The following ZIC1 variants were observed in gnomAD, a reference collection of about 807,000 sequenced individuals.
The protein encoded by ZIC1 is zinc finger protein ZIC 1.
ZIC1 carries 4 observed loss-of-function variants against 30.9 expected under a neutral mutation model. That is an observed-to-expected ratio of 0.13 (90% CI 0.06 to 0.30). The LOEUF is 0.30. ZIC1 is among the 10% of genes least tolerant of loss of function. ZIC1 has a pLI of 1.00. For missense variants in ZIC1, 441 were observed against 639.3 expected, an observed-to-expected ratio of 0.69 and a Z score of 3.34; for synonymous variants, 305 against 277.5, an observed-to-expected ratio of 1.10 and a Z score of -0.98.
Position 147,410,073 on chromosome 3 carries a change from G to A in ZIC1, c.-40G>A. On this transcript the variant is annotated 5_prime_UTR_variant, in exon 1 of 3. Coordinates refer to ENST00000282928, the MANE Select transcript of ZIC1 (RefSeq NM_003412.4). ...TTCCCTCCTCGGCTGGCGAGGGTGG[G>A]GGGGGCGGGGGAGGCCGGGGCTCGC... is the stretch of plus-strand genomic sequence containing the variant. The A allele has an allele frequency of 7.0e-7, 1 of 1,431,882 alleles. No individual in the cohort carries two copies. The highest frequency in any genetic ancestry group is 9.1e-7 in the Non-Finnish European group (1 of 1,100,768). 88.7% of individuals were successfully genotyped at this position (1,431,882 alleles called of 1,614,324 possible). A position where few individuals can be genotyped will look rare whatever the true frequency, so the allele number is the denominator to read the frequency against.
rs1488001000 is a variant in ZIC1, at chr3:147,414,569, G to A, written c.*1018G>A. ...TAAAGATTCTTAAATCTCCGTGATTGTGGTAGGAATTTCTTCTTCACCCAC... is the reference window on the plus strand; with the variant it reads ...TAAAGATTCTTAAATCTCCGTGATTATGGTAGGAATTTCTTCTTCACCCAC... On this transcript the variant is annotated 3_prime_UTR_variant, in exon 3 of 3. Coordinates refer to ENST00000282928, the MANE Select transcript of ZIC1 (RefSeq NM_003412.4). 1.3e-5 allele frequency: 2 copies of A among 152,532 alleles called. No individual in the cohort carries two copies. The highest frequency in any genetic ancestry group is 2.1e-4 in the South Asian group (1 of 4,824). The allele number at this position is 152,532 out of a possible 1,614,324, so 9.4% of individuals were successfully genotyped here. A position where few individuals can be genotyped will look rare whatever the true frequency, so the allele number is the denominator to read the frequency against.
rs568700380 is a variant in ZIC1, at chr3:147,410,044, G to A, written c.-69G>A. ...TCCTCTTGTTCCTCCTCCTCCTCCC[G>A]ATTTTCCCTCCTCGGCTGGCGAGGG... On this transcript the variant is annotated 5_prime_UTR_variant, in exon 1 of 3. Transcript: ENST00000282928. 116 of 1,382,392 alleles carry A rather than the reference G, an allele frequency of 8.4e-5. No individual in the cohort carries two copies. The African/African-American group carries it at 1.8e-3, about 21-fold the overall frequency. 85.6% of individuals were successfully genotyped at this position (1,382,392 alleles called of 1,614,324 possible).
chr3:147,410,961 C>G lies in ZIC1; in HGVS notation c.849C>G (p.Phe283Leu). 1 of 1,614,272 alleles carries G rather than the reference C, an allele frequency of 6.2e-7. No individual in the cohort carries two copies. The highest frequency in any genetic ancestry group is 8.5e-7 in the Non-Finnish European group (1 of 1,180,048). ...AGTGTCCGCGCGAGGGCAAGCCCTTCAAAGCCAAATACAAACTGGTTAACC... is the reference window on the plus strand; with the variant it reads ...AGTGTCCGCGCGAGGGCAAGCCCTTGAAAGCCAAATACAAACTGGTTAACC... ...WEECPREGKP[F>L]KAKYKLVNHI... is the part of the protein sequence containing the mutation. The change falls in exon 1 of 3, where the codon TTC becomes TTG. Residue 283 changes from phenylalanine to leucine, a missense_variant. This residue lies in a region of ZIC1 where 33 missense variants were observed against 66.5 expected (regional missense o/e 0.50). Coordinates refer to ENST00000282928, the MANE Select transcript of ZIC1 (RefSeq NM_003412.4).
At position 147,413,638 on chromosome 3, in the gene ZIC1, C is replaced by G; in HGVS notation, c.*87C>G. 6.8e-7 allele frequency: 1 copy of G among 1,473,922 alleles called. No homozygotes were observed. The highest frequency in any genetic ancestry group is 9.2e-7 in the Non-Finnish European group (1 of 1,087,856). The allele number at this position is 1,473,922 out of a possible 1,614,324, so 91.3% of individuals were successfully genotyped here. On this transcript the variant is annotated 3_prime_UTR_variant, in exon 3 of 3. Transcript: ENST00000282928. ...ACATTACTGAAAGAACCCTGCGAATCAAAACAACCCCCACACAGACCCCGC... is the reference window on the plus strand; with the variant it reads ...ACATTACTGAAAGAACCCTGCGAATGAAAACAACCCCCACACAGACCCCGC...
At chr3:147,413,285 C>G (rs1170688308) in intron 2 of ZIC1, 69 bp from the exon 3 acceptor site, 3 of 1,541,980 alleles carry the variant, frequency 1.9e-6, no homozygotes, top group Non-Finnish European at 8.8e-7. Context: ...GCACTCGCGG[C>G]CTTCGCCTCT....
In ZIC1 at chr3:147,410,375, C is replaced by A. The variant is rs1179233688; in HGVS notation, c.263C>A (p.Ser88Tyr). The A allele has an allele frequency of 6.2e-7, 1 of 1,601,886 alleles. No individual in the cohort carries two copies. Among genetic ancestry groups the A allele is most frequent in the Non-Finnish European group, 8.5e-7 (1 of 1,179,632 alleles). The change falls in exon 1 of 3, where the codon TCC (serine) becomes TAC (tyrosine). Residue 88 changes from serine (S) to tyrosine (Y), a missense_variant. Physicochemically the swap from Ser to Tyr is moderately radical, Grantham distance 144. This residue lies in a region of ZIC1 where 307 missense variants were observed against 355.3 expected (regional missense o/e 0.86). Transcript: ENST00000282928. ...GHHHHPGHVG[S>Y]YSSAAFNSTR... ...CACCATCACCCGGGCCACGTCGGCT[C>A]CTATTCCAGCGCAGCCTTCAACTCC... is the stretch of plus-strand genomic sequence containing the variant.
Position 147,409,374 on chromosome 3 carries a change from A to G in ZIC1, c.-739A>G, listed in dbSNP as rs1273279578. 6.6e-6 allele frequency: 1 copy of G among 152,638 alleles called. No individual in the cohort carries two copies. The highest frequency in any genetic ancestry group is 1.9e-4 in the East Asian group (1 of 5,182). The allele number at this position is 152,638 out of a possible 1,614,324, so 9.5% of individuals were successfully genotyped here. A position where few individuals can be genotyped will look rare whatever the true frequency, so the allele number is the denominator to read the frequency against. On this transcript the variant is annotated 5_prime_UTR_variant, in exon 1 of 3. Transcript: ENST00000282928. ...ACGGTGTCGTCCTTTCAATTCATTT[A>G]TCTGCAGGAATGATTGCTGCTATCA...
rs565606565 is a variant in ZIC1 at position 147,414,515 on chromosome 3, G to T, written c.*964G>T. On this transcript the variant is annotated 3_prime_UTR_variant, in exon 3 of 3. Coordinates refer to ENST00000282928, the MANE Select transcript of ZIC1 (RefSeq NM_003412.4). ...ACTCGTATGTACACTTTAGTTTCCA[G>T]AACTGTTTGGTAACCTTTCGTACCT... The T allele has an allele frequency of 6.6e-6, 1 of 152,574 alleles. No homozygotes were observed. The highest frequency in any genetic ancestry group is 1.5e-5 in the Non-Finnish European group (1 of 68,040). 9.5% of individuals were successfully genotyped at this position (152,574 alleles called of 1,614,324 possible). A position where few individuals can be genotyped will look rare whatever the true frequency, so the allele number is the denominator to read the frequency against.
At chr3:147,412,104 G>T (rs2087386066) in intron 1 of ZIC1, among the ~76,000 whole-genome samples, 2 of 151,976 alleles carry the variant, frequency 1.3e-5, no homozygotes, top group African/African-American at 4.8e-5. Context: ...GGGATGCGGA[G>T]CGTCGGGGAG....
At chr3:147,411,303 A>T (rs2107993472) in intron 1 of ZIC1, among the ~76,000 whole-genome samples, 1 of 152,248 alleles carries the variant, frequency 6.6e-6, no homozygotes, top group South Asian at 2.1e-4. Context: ...GACGAGGAGG[A>T]GCTGGGTATA....
chr3:147,413,458 G>C lies in ZIC1; in HGVS notation c.1251G>C (p.Pro417=), dbSNP rs758948864. The change falls in exon 3 of 3, where the codon CCG becomes CCC. Residue 417 remains proline, a synonymous_variant. Transcript: ENST00000282928. The part of the protein sequence containing the change: ...PTIVSPSTDN[P]TTSSLSPSSS... ...TCGTGTCTCCCTCCACAGACAACCCGACCACAAGCTCCTTATCGCCCTCCT... is the reference window on the plus strand; with the variant it reads ...TCGTGTCTCCCTCCACAGACAACCCCACCACAAGCTCCTTATCGCCCTCCT... 1.9e-5 allele frequency: 30 copies of C among 1,613,896 alleles called. No individual in the cohort carries two copies. Among genetic ancestry groups the C allele is most frequent in the Non-Finnish European group, 2.5e-5 (30 of 1,180,026 alleles).
chr3:147,412,298 A>C (rs1291799664), intron 1 of ZIC1, among the ~76,000 whole-genome samples: 1 of 152,260 alleles, frequency 6.6e-6, no homozygotes, highest in South Asian at 2.1e-4. Context: ...TAAAAATAAA[A>C]TGTAGATCCA....
Position 147,413,522 on chromosome 3 carries a change from T to C in ZIC1, c.1315T>C (p.Ser439Pro). The change falls in exon 3 of 3, where the codon TCT becomes CCT. Residue 439 changes from serine (S) to proline (P), a missense_variant. By Grantham distance (74) the Ser-to-Pro change is moderately conservative. This residue lies in a region of ZIC1 where 56 missense variants were observed against 52.5 expected (regional missense o/e 1.07). Transcript: ENST00000282928. The part of the protein sequence containing the change: ...VHHTAGHSAL[S>P]SNFNEWYV ...CCACACAGCCGGCCACAGTGCGCTC[T>C]CTTCCAATTTTAACGAATGGTACGT... The C allele has an allele frequency of 6.2e-7, 1 of 1,614,134 alleles. No homozygotes were observed.
intron 1 of ZIC1, among the ~76,000 whole-genome samples, chr3:147,411,891 G>A (rs1339963351): frequency 6.6e-6 from 1 of 152,042 alleles, no homozygotes; most frequent in East Asian, 1.9e-4. Context: ...AACATTCTGG[G>A]CCCCCTGCCC....
chr3:147,410,828 A>G lies in ZIC1; in HGVS notation c.716A>G (p.Lys239Arg). ...WIEPEQLANP[K>R]KSCNKTFSTM... ...GAGCCCGAGCAGCTGGCCAACCCCA[A>G]AAAGTCGTGCAACAAAACTTTCAGC... Residue 239 changes from lysine to arginine, a missense_variant, in exon 1 of 3, where the codon AAA becomes AGA. Physicochemically the swap from Lys to Arg is conservative, Grantham distance 26. This residue lies in a region of ZIC1 where 307 missense variants were observed against 355.3 expected (regional missense o/e 0.86). Transcript: ENST00000282928. 6.2e-7 allele frequency: 1 copy of G among 1,614,228 alleles called. No homozygotes were observed. Among genetic ancestry groups the G allele is most frequent in the Non-Finnish European group, 8.5e-7 (1 of 1,180,040 alleles).
Position 147,410,095 on chromosome 3 carries a change from T to C in ZIC1, c.-18T>C. 6.8e-7 allele frequency: 1 copy of C among 1,474,220 alleles called. No individual in the cohort carries two copies. The allele number at this position is 1,474,220 out of a possible 1,614,324, so 91.3% of individuals were successfully genotyped here. Reference sequence around the variant, plus strand: ...TGGGGGGGGCGGGGGAGGCCGGGGCTCGCCCCGAGCAGCCACGATGCTCCT... The same window carrying C: ...TGGGGGGGGCGGGGGAGGCCGGGGCCCGCCCCGAGCAGCCACGATGCTCCT... On this transcript the variant is annotated 5_prime_UTR_variant, in exon 1 of 3. Transcript: ENST00000282928.
rs1310009698 is a variant in ZIC1, at chr3:147,409,987, C to A, written c.-126C>A. On this transcript the variant is annotated 5_prime_UTR_variant, in exon 1 of 3. Coordinates refer to ENST00000282928, the MANE Select transcript of ZIC1 (RefSeq NM_003412.4). Reference sequence around the variant, plus strand: ...ACTTCGCGAGGTGGGTCGACTCCCCCTCCCTCCTCCTCTTCTTCCTCCTCT... The same window carrying A: ...ACTTCGCGAGGTGGGTCGACTCCCCATCCCTCCTCCTCTTCTTCCTCCTCT... 4 of 1,078,050 alleles carry A rather than the reference C, an allele frequency of 3.7e-6. No individual in the cohort carries two copies. In the African/African-American group the frequency reaches 5.1e-5, roughly 14 times the overall value. 66.8% of individuals were successfully genotyped at this position (1,078,050 alleles called of 1,614,324 possible).
chr3:147,410,739 C>T lies in ZIC1; in HGVS notation c.627C>T (p.Gly209=), dbSNP rs370404401. ...PMNVNMAAHH[G]AGAFFRYMRQ... is the part of the protein sequence containing the mutation. Reference sequence around the variant, plus strand: ...ACGTGAACATGGCCGCGCATCACGGCGCCGGCGCCTTCTTCCGCTACATGC... The same window carrying T: ...ACGTGAACATGGCCGCGCATCACGGTGCCGGCGCCTTCTTCCGCTACATGC... The change falls in exon 1 of 3, where the codon GGC becomes GGT. Residue 209 remains glycine, a synonymous_variant. Transcript: ENST00000282928. The T allele has an allele frequency of 3.9e-5, 63 of 1,614,000 alleles. No individual in the cohort carries two copies. The highest frequency in any genetic ancestry group is 5.2e-5 in the Non-Finnish European group (61 of 1,179,994).
In ZIC1 at chr3:147,416,470, G is replaced by A. The variant is rs1398085280; in HGVS notation, c.*2919G>A. The A allele has an allele frequency of 6.6e-6, 1 of 152,166 alleles. No individual in the cohort carries two copies. Among genetic ancestry groups the A allele is most frequent in the Non-Finnish European group, 1.5e-5 (1 of 68,028 alleles). 9.4% of individuals were successfully genotyped at this position (152,166 alleles called of 1,614,324 possible). ...GTCTAATTTTTGTTGTGTACCTGATGCCCCTTTTGCTTTAATACCACAGTG... is the reference window on the plus strand; with the variant it reads ...GTCTAATTTTTGTTGTGTACCTGATACCCCTTTTGCTTTAATACCACAGTG... On this transcript the variant is annotated 3_prime_UTR_variant, in exon 3 of 3. Transcript: ENST00000282928.
Sources: allele counts gnomAD v4.1 joint callset (sites outside exome capture counted in the v4.1 genomes callset), GRCh38; gene constraint gnomAD v4.1.1; regional missense constraint gnomAD v4.1.1; transcripts MANE v1.5; gene names NCBI Gene and HGNC (gene_info 2026-07-23, HGNC 2026-07-21).